Variants in FRAS1 observed in about 807,000 individuals in gnomAD.
FRAS1 encodes extracellular matrix organizing protein FRAS1.
A neutral mutation model predicts 435.2 loss-of-function variants in FRAS1; 290 were observed. The observed-to-expected ratio is 0.67, with a 90% CI of 0.61 to 0.73. The LOEUF (loss-of-function observed/expected upper bound fraction) is 0.73, where lower values mean the gene tolerates loss of function less well. Among genes scored for constraint, FRAS1 ranks in the 30% least tolerant of loss-of-function variants. The pLI is 0.00. For missense variants in FRAS1, 4,860 were observed against 5,001.5 expected, an observed-to-expected ratio of 0.97 and a Z score of 0.85; for synonymous variants, 1,800 against 1,851.0, an observed-to-expected ratio of 0.97 and a Z score of 0.71.
chr4:78,532,670 T>C (rs1721753590), intron 70 of FRAS1, among the ~76,000 whole-genome samples: 1 of 152,176 alleles, frequency 6.6e-6, no homozygotes, highest in Non-Finnish European at 1.5e-5. Flanking sequence ...GTATCCAGCT[T>C]TTGGAGTTTT....
chr4:78,292,853 T>G (rs909938736), intron 14 of FRAS1, among the ~76,000 whole-genome samples: 1 of 152,232 alleles, frequency 6.6e-6, no homozygotes, highest in Non-Finnish European at 1.5e-5. Context: ...TTTCTACCAC[T>G]GCCTTCACTC....
Position 78,210,224 on chromosome 4 carries a change from C to A in FRAS1, c.109-27286C>A, listed in dbSNP as rs142940125. ...TTTATTTAATCTATCTAATAGCTTCCAAGACTTAATCTGGGACCACCTCCC... is the reference window on the plus strand; with the variant it reads ...TTTATTTAATCTATCTAATAGCTTCAAAGACTTAATCTGGGACCACCTCCC... On this transcript the variant is annotated intron_variant, in intron 2 of 73. Transcript: ENST00000512123. Among the ~76,000 whole-genome samples, 553 of 152,278 alleles carry A rather than the reference C, an allele frequency of 3.6e-3. 2 individuals are homozygous for A. Among genetic ancestry groups the A allele is most frequent in the South Asian group, 5.8e-3 (28 of 4,816 alleles).
At chr4:78,152,357 A>G (rs1578154976) in intron 2 of FRAS1, among the ~76,000 whole-genome samples, 1 of 151,902 alleles carries the variant, frequency 6.6e-6, no homozygotes, top group Non-Finnish European at 1.5e-5. Context: ...TAAGGCAGCC[A>G]AACATATGGG....
chr4:78,215,418 T>G (rs774881668), intron 2 of FRAS1, among the ~76,000 whole-genome samples: 1 of 152,112 alleles, frequency 6.6e-6, no homozygotes. Flanking sequence ...ATGGTCTTGA[T>G]CTCTTGACCT....
chr4:78,112,490 G>C (rs1560527164), intron 2 of FRAS1, among the ~76,000 whole-genome samples: 1 of 151,972 alleles, frequency 6.6e-6, no homozygotes, highest in African/African-American at 2.4e-5. Context: ...TCCCTGGCTT[G>C]TGAATGGGCT....
intron 15 of FRAS1, among the ~76,000 whole-genome samples, chr4:78,310,987 G>T (rs114872426): frequency 6.6e-6 from 1 of 152,106 alleles, no homozygotes; most frequent in Non-Finnish European, 1.5e-5. Flanking sequence ...GTTCACCTGT[G>T]GTACGTGTAT....
rs571767828 is a variant in FRAS1, at chr4:78,189,134, A to C, written c.109-48376A>C. Among the ~76,000 whole-genome samples the C allele has an allele frequency of 2.6e-5, 4 of 152,344 alleles. No individual in the cohort carries two copies. In the East Asian group the frequency reaches 7.7e-4, roughly 29 times the overall value. On this transcript the variant is annotated intron_variant, in intron 2 of 73. Transcript: ENST00000512123. ...TACATCATCTGCTTCTAGTTCTGAC[A>C]TATTTACCTGTAAGCTTTGCCTCTC...
intron 2 of FRAS1, among the ~76,000 whole-genome samples, chr4:78,087,266 AG>A (rs1741231654): frequency 6.0e-5 from 9 of 151,158 alleles, no homozygotes; most frequent in African/African-American, 1.7e-4. Flanking sequence ...GTATTGATGG[AG>A]CGTATCTCAA....
At chr4:78,253,817 A>C (rs1308890994) in intron 5 of FRAS1, among the ~76,000 whole-genome samples, 2 of 152,146 alleles carry the variant, frequency 1.3e-5, no homozygotes, top group Non-Finnish European at 2.9e-5. Context: ...CTTTGATATG[A>C]TTCCATAAGG....
chr4:78,379,646 A>G, intron 26 of FRAS1, 80 bp from the exon 27 acceptor site: 1 of 1,423,674 alleles, frequency 7.0e-7, no homozygotes, highest in Non-Finnish European at 9.6e-7. Context: ...GTGGTCTGAA[A>G]AAATAAACAA....
intron 41 of FRAS1, among the ~76,000 whole-genome samples, chr4:78,443,821 T>C (rs996733201): frequency 1.3e-5 from 2 of 152,224 alleles, no homozygotes; most frequent in African/African-American, 4.8e-5. Context: ...TATATTTGTG[T>C]ATATTTTTAG....
At chr4:78,231,642 A>G (rs1724523722) in intron 2 of FRAS1, among the ~76,000 whole-genome samples, 1 of 152,120 alleles carries the variant, frequency 6.6e-6, no homozygotes, top group African/African-American at 2.4e-5. Flanking sequence ...TTATGTTGAC[A>G]GTTGATATAC....
At chr4:78,501,017 G>A (rs1466101560) in intron 61 of FRAS1, among the ~76,000 whole-genome samples, 3 of 152,148 alleles carry the variant, frequency 2.0e-5, no homozygotes, top group African/African-American at 7.2e-5. Context: ...TGCGCAACAT[G>A]CAGGTTTGTT....
At chr4:78,249,070 TATATATATATATATATGC>T in intron 4 of FRAS1, among the ~76,000 whole-genome samples, 1 of 109,034 alleles carries the variant, frequency 9.2e-6, no homozygotes, top group South Asian at 3.3e-4. Context: ...TATGCATATA[TATATATATATATATATGC>T]ATGTGCTGAT....
chr4:78,059,769 G>A (rs28535151), intron 1 of FRAS1, among the ~76,000 whole-genome samples: 73,152 of 150,748 alleles, frequency 0.49, 19,005 homozygotes, highest in African/African-American at 0.67. Flanking sequence ...TTAAGAGCCT[G>A]CAGGGTGCGC....
intron 3 of FRAS1, among the ~76,000 whole-genome samples, chr4:78,239,103 G>A (rs1207846029): frequency 6.6e-6 from 1 of 152,140 alleles, no homozygotes; most frequent in Non-Finnish European, 1.5e-5. Flanking sequence ...GACCATGTGT[G>A]ACTCTCAAAA....
intron 2 of FRAS1, among the ~76,000 whole-genome samples, chr4:78,222,187 G>A (rs1421766000): frequency 6.6e-6 from 1 of 152,160 alleles, no homozygotes; most frequent in African/African-American, 2.4e-5. Flanking sequence ...CAGAATTTGG[G>A]AGGACTCCTG....
intron 61 of FRAS1, among the ~76,000 whole-genome samples, chr4:78,504,656 A>G (rs1216317843): frequency 3.3e-5 from 5 of 152,114 alleles, no homozygotes; most frequent in South Asian, 4.1e-4. Context: ...CAGCACAATG[A>G]TGGGTCTTGA....
At chr4:78,169,903 T>G (rs373394378) in intron 2 of FRAS1, among the ~76,000 whole-genome samples, 14 of 152,114 alleles carry the variant, frequency 9.2e-5, no homozygotes, top group African/African-American at 3.4e-4. Flanking sequence ...CTTGAAAAAG[T>G]TAATTAACTT....
Sources: gnomAD v4.1 joint callset for allele counts (sites outside exome capture counted in the v4.1 genomes callset) on GRCh38, gnomAD v4.1.1 for gene constraint, MANE v1.5 for transcripts, NCBI Gene and HGNC (gene_info 2026-07-23, HGNC 2026-07-21) for gene names.